Variants in PTPRM observed in about 807,000 individuals in gnomAD.
The protein encoded by PTPRM is receptor-type tyrosine-protein phosphatase mu.
Under a neutral mutation model 186.7 loss-of-function variants are expected in PTPRM, and 47 were observed. That is an observed-to-expected ratio of 0.25 (90% CI 0.20 to 0.32). PTPRM has a LOEUF of 0.32. Ranked by LOEUF, PTPRM falls within the 10% of genes least tolerant of loss-of-function variation. The pLI, the probability that PTPRM is intolerant of heterozygous loss-of-function variation, is 1.00. For missense variants in PTPRM, 1,494 were observed against 1,865.0 expected, an observed-to-expected ratio of 0.80 and a Z score of 3.66; for synonymous variants, 668 against 674.9, an observed-to-expected ratio of 0.99 and a Z score of 0.16.
chr18:8,017,696 A>G (rs2147931648), intron 7 of PTPRM: 1 of 152,248 alleles, frequency 6.6e-6, no homozygotes, highest in African/African-American at 2.4e-5. Flanking sequence ...AGTGAGGAAA[A>G]CAAGTTCCCA....
chr18:7,892,230 C>T (rs1364884800), intron 3 of PTPRM, among the ~76,000 whole-genome samples: 2 of 152,176 alleles, frequency 1.3e-5, no homozygotes, highest in African/African-American at 4.8e-5. Context: ...GAGACCATCA[C>T]AGCCTCCAGA....
intron 2 of PTPRM, among the ~76,000 whole-genome samples, chr18:7,857,500 G>A (rs888968295): frequency 6.6e-6 from 1 of 152,126 alleles, no homozygotes; most frequent in Non-Finnish European, 1.5e-5. Flanking sequence ...TGCAACAAAT[G>A]CATGATGATT....
chr18:8,384,945 C>T (rs1357586846), intron 30 of PTPRM, among the ~76,000 whole-genome samples: 2 of 152,204 alleles, frequency 1.3e-5, no homozygotes, highest in African/African-American at 4.8e-5. Flanking sequence ...ACCCCTGTCA[C>T]AGGACCTTGC....
chr18:8,293,208 G>T (rs2095060038), intron 19 of PTPRM, among the ~76,000 whole-genome samples: 1 of 152,162 alleles, frequency 6.6e-6, no homozygotes, highest in African/African-American at 2.4e-5. Context: ...AGTACAATTG[G>T]TTATTATTTC....
chr18:7,966,568 C>G (rs945019961), intron 7 of PTPRM, among the ~76,000 whole-genome samples: 1 of 148,270 alleles, frequency 6.7e-6, no homozygotes, highest in African/African-American at 2.5e-5. Context: ...CTAGGGAGTG[C>G]CAGACAGTGG....
intron 2 of PTPRM, among the ~76,000 whole-genome samples, chr18:7,874,789 T>C (rs1305729981): frequency 6.6e-6 from 1 of 152,138 alleles, no homozygotes; most frequent in Non-Finnish European, 1.5e-5. Flanking sequence ...AGGGAATAAA[T>C]CAAGATGCAC....
chr18:8,002,093 A>G (rs2083910271), intron 7 of PTPRM, among the ~76,000 whole-genome samples: 1 of 152,208 alleles, frequency 6.6e-6, no homozygotes. Flanking sequence ...ATTGCCGGTA[A>G]TCCATCCACT....
chr18:8,305,996 C>G (rs2095217773), intron 20 of PTPRM, among the ~76,000 whole-genome samples: 1 of 151,726 alleles, frequency 6.6e-6, no homozygotes, highest in African/African-American at 2.4e-5. Context: ...CTCCTGGGTT[C>G]AAGTGATTCT....
At chr18:7,973,355 G>A (rs750615090) in intron 7 of PTPRM, among the ~76,000 whole-genome samples, 1 of 152,266 alleles carries the variant, frequency 6.6e-6, no homozygotes, top group South Asian at 2.1e-4. Context: ...TACCAGCAAG[G>A]TGTCACAATG....
At chr18:8,096,138 T>C (rs888187069) in intron 11 of PTPRM, among the ~76,000 whole-genome samples, 5 of 152,168 alleles carry the variant, frequency 3.3e-5, no homozygotes, top group Non-Finnish European at 7.3e-5. Flanking sequence ...GGGTGGCACC[T>C]CTGGTTACTA....
chr18:8,154,478 G>A (rs149698435), intron 14 of PTPRM: 2 of 152,306 alleles, frequency 1.3e-5, no homozygotes, highest in Non-Finnish European at 2.9e-5. Flanking sequence ...TCCTACAGAG[G>A]ATGAGCCAGC....
chr18:8,028,161 C>G (rs1251213573), intron 7 of PTPRM, among the ~76,000 whole-genome samples: 1 of 152,212 alleles, frequency 6.6e-6, no homozygotes, highest in Non-Finnish European at 1.5e-5. Flanking sequence ...TGCCACCACA[C>G]CAGGCTAATT....
intron 2 of PTPRM, among the ~76,000 whole-genome samples, chr18:7,869,446 G>A (rs1159325364): frequency 6.6e-6 from 1 of 152,128 alleles, no homozygotes; most frequent in Non-Finnish European, 1.5e-5. Context: ...CTTGGCTAGG[G>A]GAGAGAAGTT....
chr18:8,355,815 AAAG>A (rs1467008233), intron 23 of PTPRM, among the ~76,000 whole-genome samples: 2 of 152,200 alleles, frequency 1.3e-5, no homozygotes, highest in South Asian at 2.1e-4. Flanking sequence ...AAAAGATAGG[AAAG>A]AAGGTAACAG....
rs1468198750 is a variant in PTPRM, at chr18:7,888,465, G to C, written c.468+88G>C. 2.1e-6 allele frequency: 3 copies of C among 1,408,890 alleles called. No individual in the cohort carries two copies. In the African/African-American group the frequency reaches 4.4e-5, roughly 21 times the overall value. 87.3% of individuals were successfully genotyped at this position (1,408,890 alleles called of 1,614,324 possible). The stretch of plus-strand genomic sequence containing the variant: ...TTGTTATATCATTATAATCAGAAAA[G>C]GTTGTTGTATTTTTGTTGGCAAGGT... On this transcript the variant is annotated intron_variant, in intron 3 of 32. Coordinates refer to ENST00000580170, the MANE Select transcript of PTPRM (RefSeq NM_001105244.2).
At chr18:8,356,865 A>G (rs923149063) in intron 23 of PTPRM, among the ~76,000 whole-genome samples, 1 of 152,198 alleles carries the variant, frequency 6.6e-6, no homozygotes, top group South Asian at 2.1e-4. Flanking sequence ...TTCTTACCCC[A>G]CACCTTACTT....
Position 8,085,759 on chromosome 18 carries a change from A to G in PTPRM, c.1640A>G (p.His547Arg), listed in dbSNP as rs753484273. 18 of 1,612,670 alleles carry G rather than the reference A, an allele frequency of 1.1e-5. No homozygotes were observed. Among genetic ancestry groups the G allele is most frequent in the Non-Finnish European group, 1.2e-5 (14 of 1,178,984 alleles). Residue 547 changes from histidine to arginine, a missense_variant, in exon 10 of 33, where the codon CAT (histidine) becomes CGT (arginine). By Grantham distance (29) the His-to-Arg change is conservative. Coordinates refer to ENST00000580170, the MANE Select transcript of PTPRM (RefSeq NM_001105244.2). ...GTTTCAAAGCTGGGAAATGAAACCC[A>G]TTTTCTGTTTTTTGGACTGTATCCG... The part of the protein sequence containing the change: ...GRVSKLGNET[H>R]FLFFGLYPGT...
chr18:7,635,436 G>A (rs2038289743), intron 1 of PTPRM, among the ~76,000 whole-genome samples: 1 of 152,058 alleles, frequency 6.6e-6, no homozygotes, highest in Non-Finnish European at 1.5e-5. Context: ...TAGGTAGTTA[G>A]CACCCAATAA....
intron 1 of PTPRM, among the ~76,000 whole-genome samples, chr18:7,769,651 C>G (rs1340565356): frequency 6.6e-6 from 1 of 152,076 alleles, no homozygotes; most frequent in Admixed American, 6.6e-5. Flanking sequence ...TGCCTTTTAA[C>G]TTATACTTTT....
Sources: allele counts gnomAD v4.1 joint callset (sites outside exome capture counted in the v4.1 genomes callset), GRCh38; gene constraint gnomAD v4.1.1; transcripts MANE v1.5; gene names NCBI Gene and HGNC (gene_info 2026-07-23, HGNC 2026-07-21).